Variants in MAP3K19 observed in about 807,000 individuals in gnomAD.
The protein encoded by MAP3K19 is mitogen-activated protein kinase kinase kinase 19.
Under a neutral mutation model 114.4 loss-of-function variants are expected in MAP3K19, and 91 were observed. The observed-to-expected ratio is 0.80, with a 90% CI of 0.67 to 0.95. The LOEUF (loss-of-function observed/expected upper bound fraction) is 0.95. Among genes scored for constraint, MAP3K19 ranks in the 40% least tolerant of loss-of-function variants. MAP3K19 has a pLI of 0.00. For missense variants in MAP3K19, 1,471 were observed against 1,573.2 expected, an observed-to-expected ratio of 0.94 and a Z score of 1.10; for synonymous variants, 518 against 530.5, an observed-to-expected ratio of 0.98 and a Z score of 0.32.
chr2:134,986,677 A>G lies in MAP3K19; in HGVS notation c.2195T>C (p.Ile732Thr), dbSNP rs116193430. The stretch of plus-strand genomic sequence containing the variant: ...AATTAAGACTTTGTGCTCTTGTTTA[A>G]TGCCAAATGAAGTCTTTGGGCATTT... Reference protein sequence around the residue: ...HMKCPKTSFGIKQEHKVLISK... With the variant: ...HMKCPKTSFGTKQEHKVLISK... The change falls in exon 10 of 13, where the codon ATT becomes ACT. Residue 732 changes from isoleucine to threonine, a missense_variant. Physicochemically the swap from Ile to Thr is moderately conservative, Grantham distance 89 (BLOSUM62 -1). Coordinates refer to ENST00000392915, the MANE Select transcript of MAP3K19 (RefSeq NM_025052.5). 1 of 1,614,170 alleles carries G rather than the reference A, an allele frequency of 6.2e-7. No individual in the cohort carries two copies. Among genetic ancestry groups the G allele is most frequent in the African/African-American group, 1.3e-5 (1 of 75,042 alleles).
chr2:134,983,835 T>C lies in MAP3K19; in HGVS notation c.3073-10A>G, dbSNP rs754036603. The C allele has an allele frequency of 2.6e-6, 4 of 1,550,356 alleles. No homozygotes were observed. The highest frequency in any genetic ancestry group is 3.5e-6 in the Non-Finnish European group (4 of 1,153,802). On this transcript the variant is annotated splice_polypyrimidine_tract_variant and intron_variant, in intron 10 of 12. Transcript: ENST00000392915. Reference sequence around the variant, plus strand: ...GCCCACTACTATGCCTCTGGAAGAATGAGACAAAAGGAAAGATGACCATTA... The same window carrying C: ...GCCCACTACTATGCCTCTGGAAGAACGAGACAAAAGGAAAGATGACCATTA...
intron 8 of MAP3K19, among the ~76,000 whole-genome samples, chr2:134,997,929 A>G (rs921053260): frequency 6.6e-6 from 1 of 151,886 alleles, no homozygotes; most frequent in African/African-American, 2.4e-5. Flanking sequence ...AGGATGTGTC[A>G]CAGCTCCACT....
At position 134,983,797 on chromosome 2, in the gene MAP3K19, T is replaced by A. The variant is rs55832179; in HGVS notation, c.3101A>T (p.Asp1034Val). The A allele has an allele frequency of 3.7e-6, 6 of 1,601,442 alleles. No homozygotes were observed. The highest frequency in any genetic ancestry group is 1.3e-5 in the African/African-American group (1 of 74,128). The change falls in exon 11 of 13, where the codon GAC becomes GTC. Residue 1034 changes from aspartate (D) to valine (V), a missense_variant. Transcript: ENST00000392915. ...TGAGATGAGAAATTTCTCCTCCCTG[T>A]CATATATCCTGAGCCCACTACTATG... ...QRHSSGLRIY[D>V]REEKFLISNE...
chr2:135,007,252 C>T (rs1371334644), intron 5 of MAP3K19, among the ~76,000 whole-genome samples: 1 of 151,712 alleles, frequency 6.6e-6, no homozygotes, highest in Non-Finnish European at 1.5e-5. Context: ...AGTTGTCATA[C>T]CTTACTTTTA....
Position 134,987,059 on chromosome 2 carries a change from G to A in MAP3K19, c.1813C>T (p.Arg605Trp), listed in dbSNP as rs752221342. The A allele has an allele frequency of 1.6e-5, 25 of 1,612,526 alleles. No individual in the cohort carries two copies. Among genetic ancestry groups the A allele is most frequent in the East Asian group, 4.5e-5 (2 of 44,894 alleles). The change falls in exon 10 of 13, where the codon CGG (arginine) becomes TGG (tryptophan). Residue 605 changes from arginine to tryptophan, a missense_variant. Coordinates refer to ENST00000392915, the MANE Select transcript of MAP3K19 (RefSeq NM_025052.5). ...PQIAKKQSTH[R>W]TQKPKKQSFP... ...GATTGCTTTTTAGGTTTCTGAGTCC[G>A]GTGAGTTGATTGCTTCTTTGCTATC...
intron 3 of MAP3K19, among the ~76,000 whole-genome samples, chr2:135,027,282 A>AAAGG (rs529893532): frequency 2.3e-4 from 35 of 151,272 alleles, no homozygotes; most frequent in Non-Finnish European, 4.4e-4. Flanking sequence ...AGAGAGAGAG[A>AAAGG]AAGGAAGGAA....
chr2:135,000,243 A>G (rs1289052144), intron 6 of MAP3K19, among the ~76,000 whole-genome samples: 1 of 152,210 alleles, frequency 6.6e-6, no homozygotes, highest in Admixed American at 6.5e-5. Context: ...TATTTTACAG[A>G]TGTAAAATAA....
At chr2:134,973,331 G>C (rs914144105) in intron 12 of MAP3K19, among the ~76,000 whole-genome samples, 1 of 152,140 alleles carries the variant, frequency 6.6e-6, no homozygotes, top group African/African-American at 2.4e-5. Context: ...CATCAGAACT[G>C]TTACATCCTC....
intron 12 of MAP3K19, among the ~76,000 whole-genome samples, chr2:134,968,526 G>A (rs1393603083): frequency 7.4e-5 from 11 of 148,626 alleles, no homozygotes; most frequent in South Asian, 4.2e-4. Flanking sequence ...GGTGGCTGCC[G>A]GGCGGAGACG....
intron 5 of MAP3K19, 138 bp downstream of exon 5, chr2:135,021,577 T>C: frequency 1.7e-6 from 1 of 586,306 alleles, no homozygotes; most frequent in East Asian, 2.9e-5. Context: ...CAGAAGAGTG[T>C]CTTACCAAAT....
rs1212446570 is a variant in MAP3K19 at position 134,981,282 on chromosome 2, G to A, written c.3459C>T (p.Asn1153=). The A allele has an allele frequency of 6.2e-7, 1 of 1,614,196 alleles. No individual in the cohort carries two copies. Among genetic ancestry groups the A allele is most frequent in the Non-Finnish European group, 8.5e-7 (1 of 1,180,032 alleles). Residue 1153 remains asparagine (N), a synonymous_variant, in exon 12 of 13, where the codon AAC becomes AAT. Coordinates refer to ENST00000392915, the MANE Select transcript of MAP3K19 (RefSeq NM_025052.5). ...VPGGSISSII[N]RFGPLPEMVF... is the part of the protein sequence containing the mutation. The stretch of plus-strand genomic sequence containing the variant: ...CCATCTCAGGCAATGGCCCAAAACG[G>A]TTTATAATACTAGAGATTGAGCCAC...
At chr2:135,004,895 A>G (rs1686707166) in intron 6 of MAP3K19, among the ~76,000 whole-genome samples, 1 of 152,190 alleles carries the variant, frequency 6.6e-6, no homozygotes, top group African/African-American at 2.4e-5. Flanking sequence ...GGAACCGATC[A>G]CTGAAGCCGC....
chr2:135,009,876 G>A (rs1169870086), intron 5 of MAP3K19, among the ~76,000 whole-genome samples: 3 of 152,008 alleles, frequency 2.0e-5, no homozygotes, highest in African/African-American at 4.8e-5. Context: ...GGAACACTAA[G>A]CATAAATGGG....
intron 12 of MAP3K19, among the ~76,000 whole-genome samples, chr2:134,975,832 C>G (rs1390859947): frequency 6.6e-6 from 1 of 152,278 alleles, no homozygotes; most frequent in East Asian, 1.9e-4. Flanking sequence ...CACACTTCAG[C>G]CTAAGCAGAA....
intron 8 of MAP3K19, among the ~76,000 whole-genome samples, chr2:134,996,271 CT>C (rs61265758): frequency 0.031 from 3,907 of 125,744 alleles, 120 homozygotes; most frequent in African/African-American, 0.1. Context: ...CTTCTTATTT[CT>C]TTTTTTTTTT....
In MAP3K19 at chr2:135,026,678, C is replaced by T. The variant is rs373352921; in HGVS notation, c.-94-1937G>A. On this transcript the variant is annotated intron_variant, in intron 3 of 12. Transcript: ENST00000392915. ...AAGTGCATTGTTTATCTCCTCCCTC[C>T]TAAAAGAGCATTTGACATATAGTAA... 2.2e-4 allele frequency among the ~76,000 whole-genome samples: 34 copies of T among 152,274 alleles called. No homozygotes were observed. The South Asian group carries it at 5.8e-3, about 26-fold the overall frequency.
In MAP3K19 at chr2:134,993,348, A is replaced by G. The variant is rs568355501; in HGVS notation, c.575-1768T>C. Among the ~76,000 whole-genome samples the G allele has an allele frequency of 4.6e-5, 7 of 152,248 alleles. 1 individual carries two copies. The highest frequency in any genetic ancestry group is 8.8e-5 in the Non-Finnish European group (6 of 68,044). On this transcript the variant is annotated intron_variant, in intron 8 of 12. Coordinates refer to ENST00000392915, the MANE Select transcript of MAP3K19 (RefSeq NM_025052.5). ...CAAGTCACCTAAGAAGAGGACCCCA[A>G]CAGGCAACAGGAGGGGGCACAGGCA...
intron 3 of MAP3K19, among the ~76,000 whole-genome samples, chr2:135,029,887 A>C (rs1426375689): frequency 6.6e-6 from 1 of 152,246 alleles, no homozygotes; most frequent in Non-Finnish European, 1.5e-5. Context: ...CATGACAACT[A>C]AATATTAGGC....
In MAP3K19 at chr2:135,033,606, G is replaced by A. The variant is rs1472988641; in HGVS notation, c.-283-3106C>T. Among the ~76,000 whole-genome samples the A allele has an allele frequency of 1.0e-4, 9 of 85,978 alleles. 1 individual carries two copies. The South Asian group carries it at 2.2e-3, about 21-fold the overall frequency. The allele number at this position is 85,978 out of a possible 152,430, so 56.4% of individuals were successfully genotyped here. The stretch of plus-strand genomic sequence containing the variant: ...CCCCCACCGCCCTCCCAGACGGGGC[G>A]GCTGGCCGGGCAGAGGGGCTCCCCA... On this transcript the variant is annotated intron_variant, in intron 2 of 12. Transcript: ENST00000392915.
Sources: gnomAD v4.1 joint callset for allele counts (sites outside exome capture counted in the v4.1 genomes callset) on GRCh38, gnomAD v4.1.1 for gene constraint, MANE v1.5 for transcripts, NCBI Gene and HGNC (gene_info 2026-07-23, HGNC 2026-07-21) for gene names.